The following PARG variants were observed in gnomAD, a reference collection of about 807,000 sequenced individuals.
PARG encodes mitochondrial poly(ADP-ribose) glycohydrolase.
Under a neutral mutation model 113.0 loss-of-function variants are expected in PARG, and 35 were observed. The observed-to-expected ratio is 0.31, with a 90% CI of 0.24 to 0.41. The LOEUF is 0.41. PARG is among the 10% of genes least tolerant of loss of function. The pLI is 1.00. For synonymous variants in PARG, 330 were observed against 409.9 expected (o/e 0.81, Z 2.36); for missense variants, 797 against 1,169.4 (o/e 0.68, Z 4.64).
chr10:49,928,724 T>C (rs1223869301), intron 4 of PARG, among the ~76,000 whole-genome samples: 16 of 152,190 alleles, frequency 1.1e-4, no homozygotes, highest in South Asian at 2.1e-4. Flanking sequence ...AGGCTAGTCT[T>C]GAACTCCTGT....
chr10:49,893,678 C>G (rs1444930280), intron 7 of PARG, among the ~76,000 whole-genome samples: 1 of 151,570 alleles, frequency 6.6e-6, no homozygotes, highest in African/African-American at 2.4e-5. Context: ...ACATGCCTGG[C>G]TAATTTTTGA....
At chr10:49,891,619 ATATATTTTTTTTT>A (rs1166606679) in intron 7 of PARG, among the ~76,000 whole-genome samples, 5 of 45,942 alleles carry the variant, frequency 1.1e-4, no homozygotes, top group African/African-American at 5.0e-4. Flanking sequence ...ATATATATAT[ATATATTTTTTTTT>A]TTTTTTTTTT....
intron 1 of PARG, among the ~76,000 whole-genome samples, chr10:49,940,786 C>T (rs1257476992): frequency 6.6e-6 from 1 of 152,184 alleles, no homozygotes; most frequent in Non-Finnish European, 1.5e-5. Flanking sequence ...CCCCAGCCTC[C>T]CAAAGCTCAG....
chr10:49,886,915 TA>T (rs1324271095), intron 7 of PARG, among the ~76,000 whole-genome samples: 3 of 152,218 alleles, frequency 2.0e-5, no homozygotes, highest in African/African-American at 7.2e-5. Context: ...CATATATTCA[TA>T]GATGACATTC....
intron 7 of PARG, among the ~76,000 whole-genome samples, chr10:49,906,028 G>A (rs4012650): frequency 0.96 from 140,492 of 146,508 alleles, 67,675 homozygotes; most frequent in East Asian, 1. Flanking sequence ...AGAGGTGTCA[G>A]AGATGGGCAG....
chr10:49,906,541 C>T (rs1387758023), intron 7 of PARG, among the ~76,000 whole-genome samples: 1 of 152,090 alleles, frequency 6.6e-6, no homozygotes, highest in African/African-American at 2.4e-5. Flanking sequence ...ACAGCATGTG[C>T]CACAGTCCAT....
intron 4 of PARG, among the ~76,000 whole-genome samples, chr10:49,928,392 T>G (rs1450185344): frequency 6.6e-6 from 1 of 152,078 alleles, no homozygotes; most frequent in African/African-American, 2.4e-5. Flanking sequence ...TAAAACAGCA[T>G]AGGTACCAGT....
chr10:49,939,727 T>C (rs1377260236), intron 1 of PARG, among the ~76,000 whole-genome samples: 1 of 152,220 alleles, frequency 6.6e-6, no homozygotes, highest in African/African-American at 2.4e-5. Context: ...TTACCAACTT[T>C]TGCATGTCTT....
At chr10:49,915,025 G>A (rs1837390851) in intron 7 of PARG, among the ~76,000 whole-genome samples, 1 of 152,064 alleles carries the variant, frequency 6.6e-6, no homozygotes, top group Non-Finnish European at 1.5e-5. Flanking sequence ...AATGGTCATA[G>A]TGTAAGAGCT....
At chr10:49,849,012 A>G (rs1199643126) in intron 13 of PARG, among the ~76,000 whole-genome samples, 1 of 152,064 alleles carries the variant, frequency 6.6e-6, no homozygotes, top group Admixed American at 6.5e-5. Flanking sequence ...CCTGACCAAC[A>G]TGGAGAAACC....
chr10:49,821,378 A>C (rs1159390530), intron 16 of PARG, among the ~76,000 whole-genome samples: 1 of 152,074 alleles, frequency 6.6e-6, no homozygotes, highest in Non-Finnish European at 1.5e-5. Flanking sequence ...AAAACATTAA[A>C]GAGGATATAT....
At position 49,934,848 on chromosome 10, in the gene PARG, C is replaced by CA. The variant is rs1227382933; in HGVS notation, c.284+227dup. ...TGGGCAACAGAGTGAGACTCCATCTCAAAAAAAAAAAAAGACACAGACTAT... is the reference window on the plus strand; with the variant it reads ...TGGGCAACAGAGTGAGACTCCATCTCAAAAAAAAAAAAAAGACACAGACTAT... On this transcript the variant is annotated intron_variant, in intron 2 of 17. Transcript: ENST00000616448. Among the ~76,000 whole-genome samples, 429 of 129,046 alleles carry CA rather than the reference C, an allele frequency of 3.3e-3. 1 individual carries two copies. The highest frequency in any genetic ancestry group is 5.6e-3 in the African/African-American group (195 of 34,750). The allele number at this position is 129,046 out of a possible 152,430, so 84.7% of individuals were successfully genotyped here.
At chr10:49,905,240 A>G (rs1564646326) in intron 7 of PARG, among the ~76,000 whole-genome samples, 1 of 152,418 alleles carries the variant, frequency 6.6e-6, no homozygotes, top group African/African-American at 2.4e-5. Flanking sequence ...GAGCAGACTG[A>G]TAGTGGAATG....
chr10:49,853,595 G>A (rs1465279391), intron 13 of PARG, among the ~76,000 whole-genome samples: 1 of 151,898 alleles, frequency 6.6e-6, no homozygotes, highest in Non-Finnish European at 1.5e-5. Context: ...TGTGAGTTGA[G>A]GAAGTGTTGA....
At chr10:49,891,615 ATATATATATTTTTTT>A (rs1847798700) in intron 7 of PARG, among the ~76,000 whole-genome samples, 1 of 63,216 alleles carries the variant, frequency 1.6e-5, no homozygotes, top group Non-Finnish European at 2.7e-5. Context: ...ATATATATAT[ATATATATATTTTTTT>A]TTTTTTTTTT....
chr10:49,843,207 G>A (rs1457096282), intron 14 of PARG, among the ~76,000 whole-genome samples: 1 of 152,194 alleles, frequency 6.6e-6, no homozygotes, highest in Non-Finnish European at 1.5e-5. Context: ...TAATAAGTTG[G>A]TCAAAGGCTT....
At chr10:49,880,099 G>C (rs1847142462) in intron 8 of PARG, among the ~76,000 whole-genome samples, 1 of 151,698 alleles carries the variant, frequency 6.6e-6, no homozygotes, top group East Asian at 1.9e-4. Context: ...TGAAAAACAA[G>C]ATTGCTTCAG....
At chr10:49,891,661 ACT>A (rs1847814355) in intron 7 of PARG, among the ~76,000 whole-genome samples, 1 of 116,296 alleles carries the variant, frequency 8.6e-6, no homozygotes, top group African/African-American at 3.5e-5. Flanking sequence ...ATAGCGTCTC[ACT>A]CTGTCACCCA....
chr10:49,940,227 T>A (rs1249561966), intron 1 of PARG, among the ~76,000 whole-genome samples: 2 of 149,122 alleles, frequency 1.3e-5, no homozygotes, highest in African/African-American at 5.0e-5. Flanking sequence ...ATTTCCAACC[T>A]AGATTAACTC....
Sources: allele counts gnomAD v4.1 joint callset (sites outside exome capture counted in the v4.1 genomes callset), GRCh38; gene constraint gnomAD v4.1.1; transcripts MANE v1.5; gene names NCBI Gene and HGNC (gene_info 2026-07-23, HGNC 2026-07-21).